Variants in PDE1C observed in about 807,000 individuals in gnomAD.
The protein encoded by PDE1C is phosphodiesterase 1C.
Under a neutral mutation model 93.1 loss-of-function variants are expected in PDE1C, and 62 were observed. That is an observed-to-expected ratio of 0.67 (90% CI 0.54 to 0.82). The LOEUF (loss-of-function observed/expected upper bound fraction) is 0.82. Ranked by LOEUF, PDE1C falls within the 40% of genes least tolerant of loss-of-function variation. The pLI, the probability that PDE1C is intolerant of heterozygous loss-of-function variation, is 0.00. For missense variants in PDE1C, 742 were observed against 884.6 expected (o/e 0.84, Z 2.04); for synonymous variants, 325 against 310.1 (o/e 1.05, Z -0.50).
intron 2 of PDE1C, among the ~76,000 whole-genome samples, chr7:31,940,677 G>GTCGTCA (rs1563070400): frequency 6.6e-6 from 1 of 152,018 alleles, no homozygotes; most frequent in African/African-American, 2.4e-5. Context: ...AGCCCCCTGT[G>GTCGTCA]TCTGAACAGA....
At chr7:32,322,887 C>T (rs893884472) in intron 1 of PDE1C, among the ~76,000 whole-genome samples, 2 of 152,146 alleles carry the variant, frequency 1.3e-5, no homozygotes, top group Non-Finnish European at 2.9e-5. Context: ...GCTGGGATTA[C>T]AGGCGTGAGC....
Position 32,070,353 on chromosome 7 carries a change from T to C in PDE1C, c.41A>G (p.Asn14Ser), listed in dbSNP as rs778939069. The C allele has an allele frequency of 1.1e-5, 17 of 1,613,892 alleles. No homozygotes were observed. In the South Asian group the frequency reaches 1.5e-4, roughly 15 times the overall value. ...TTCCGGTTGCAGGTATTTCAGAGAG[T>C]TGCTCTCAAATTCTTCAATCTCCTT... ...PTKEIEEFES[N>S]SLKYLQPEQI... The change falls in exon 1 of 18, where the codon AAC becomes AGC. Residue 14 changes from asparagine (N) to serine (S), a missense_variant. This residue lies in a region of PDE1C where 74 missense variants were observed against 88.2 expected (regional missense o/e 0.84). Transcript: ENST00000396191.
At chr7:31,722,745 G>T in the PDE1C span, among the ~76,000 whole-genome samples, 1 of 152,206 alleles carries the variant, frequency 6.6e-6, no homozygotes, top group Non-Finnish European at 1.5e-5. Flanking sequence ...CTTCTTAGAG[G>T]AACTCAGAGT....
At chr7:32,366,000 T>C (rs948469944) in intron 1 of PDE1C, among the ~76,000 whole-genome samples, 1 of 152,028 alleles carries the variant, frequency 6.6e-6, no homozygotes, top group East Asian at 1.9e-4. Context: ...GAAATTAATA[T>C]AGAGACCCAT....
chr7:32,298,620 C>G, intron 1 of PDE1C: 2 of 1,580,030 alleles, frequency 1.3e-6, no homozygotes, highest in South Asian at 2.3e-5. Flanking sequence ...TTGCCCGAGC[C>G]AGGAGTCCGA....
intron 2 of PDE1C, among the ~76,000 whole-genome samples, chr7:31,969,322 A>G (rs1252621063): frequency 1.3e-5 from 2 of 152,120 alleles, no homozygotes; most frequent in Non-Finnish European, 2.9e-5. Flanking sequence ...CTATCAAAAA[A>G]TGGGTGAAGG....
chr7:31,903,021 A>G (rs927141604), intron 2 of PDE1C, among the ~76,000 whole-genome samples: 29 of 151,814 alleles, frequency 1.9e-4, no homozygotes, highest in Non-Finnish European at 3.2e-4. Context: ...TTATAACTGC[A>G]TATTTCATTT....
At chr7:32,110,785 T>C (rs1798596838) in intron 3 of PDE1C, among the ~76,000 whole-genome samples, 1 of 152,214 alleles carries the variant, frequency 6.6e-6, no homozygotes, top group Admixed American at 6.5e-5. Flanking sequence ...AGAGCAGCTC[T>C]GAGCACAACT....
intron 2 of PDE1C, among the ~76,000 whole-genome samples, chr7:32,048,014 C>G (rs1247624965): frequency 1.3e-5 from 2 of 152,186 alleles, no homozygotes; most frequent in Admixed American, 6.5e-5. Context: ...CACAGCTATT[C>G]CCAGTCCAAA....
chr7:31,979,939 C>T (rs994577139), intron 2 of PDE1C, among the ~76,000 whole-genome samples: 1 of 152,170 alleles, frequency 6.6e-6, no homozygotes, highest in Admixed American at 6.5e-5. Context: ...TCATTTTATC[C>T]TGACAGCAGG....
chr7:32,132,986 AAG>A (rs1193137417), intron 3 of PDE1C, among the ~76,000 whole-genome samples: 1 of 152,162 alleles, frequency 6.6e-6, no homozygotes, highest in Non-Finnish European at 1.5e-5. Flanking sequence ...AGGGAATATT[AAG>A]AGAGATAAAA....
intron 1 of PDE1C, among the ~76,000 whole-genome samples, chr7:32,335,168 A>G (rs2128078217): frequency 6.6e-6 from 1 of 152,338 alleles, no homozygotes; most frequent in Admixed American, 6.5e-5. Context: ...TCTCAAACAG[A>G]CTAAAAAATT....
chr7:32,195,909 T>A (rs1474688092), intron 2 of PDE1C, among the ~76,000 whole-genome samples: 1 of 152,034 alleles, frequency 6.6e-6, no homozygotes, highest in Non-Finnish European at 1.5e-5. Flanking sequence ...TGGGAAGGGG[T>A]GAGAGTTTCA....
the PDE1C span, among the ~76,000 whole-genome samples, chr7:31,658,119 A>G: frequency 2.0e-5 from 3 of 152,240 alleles, no homozygotes; most frequent in Admixed American, 6.5e-5. Context: ...ATGGAGACAC[A>G]AAGATGAAAC....
rs114843096 is a variant in PDE1C at position 31,810,197 on chromosome 7, C to T, written c.1814-1089G>A. On this transcript the variant is annotated intron_variant, in intron 15 of 17. Coordinates refer to ENST00000396191, the MANE Select transcript of PDE1C (RefSeq NM_001191057.4). The stretch of plus-strand genomic sequence containing the variant: ...TATTACATGAAAAGGTCAGGGGCCT[C>T]TTCACCCAGCCTTATTTTCAAGTGT... 3.0e-3 allele frequency among the ~76,000 whole-genome samples: 463 copies of T among 152,240 alleles called. 6 individuals are homozygous for T. Among genetic ancestry groups the T allele is most frequent in the African/African-American group, 0.011 (440 of 41,560 alleles).
intron 1 of PDE1C, among the ~76,000 whole-genome samples, chr7:32,363,616 A>G (rs965853975): frequency 5.3e-5 from 8 of 152,344 alleles, no homozygotes; most frequent in Admixed American, 5.2e-4. Context: ...CTTCTTTTTA[A>G]CAAATGGATC....
At chr7:31,646,138 C>T in the PDE1C span, among the ~76,000 whole-genome samples, 11 of 152,184 alleles carry the variant, frequency 7.2e-5, no homozygotes, top group Admixed American at 2.0e-4. Flanking sequence ...GATTTTAAGT[C>T]ATATTTAGTT....
At chr7:31,814,303 T>G (rs892481780) in intron 15 of PDE1C, among the ~76,000 whole-genome samples, 2 of 151,978 alleles carry the variant, frequency 1.3e-5, no homozygotes, top group African/African-American at 4.8e-5. Flanking sequence ...TCTTATTAAA[T>G]TCTTTATAAC....
the PDE1C span, among the ~76,000 whole-genome samples, chr7:31,680,226 T>C: frequency 6.6e-6 from 1 of 152,206 alleles, no homozygotes; most frequent in Non-Finnish European, 1.5e-5. Flanking sequence ...CACTGTTTCA[T>C]ACAATTGCCA....
Sources: gnomAD v4.1 joint callset for allele counts (sites outside exome capture counted in the v4.1 genomes callset) on GRCh38, gnomAD v4.1.1 for gene constraint, gnomAD v4.1.1 regional missense constraint, MANE v1.5 for transcripts, NCBI Gene and HGNC (gene_info 2026-07-23, HGNC 2026-07-21) for gene names.